The following FNDC1 variants were observed in gnomAD, a reference collection of about 807,000 sequenced individuals.
FNDC1 encodes fibronectin type III domain containing 1, also known as fibronectin type III domain-containing protein 1.
Under a neutral mutation model 168.0 loss-of-function variants are expected in FNDC1, and 96 were observed. That is an observed-to-expected ratio of 0.57 (90% CI 0.48 to 0.68). FNDC1 has a LOEUF of 0.68. Ranked by LOEUF, FNDC1 falls within the 30% of genes least tolerant of loss-of-function variation. FNDC1 has a pLI of 0.00. For synonymous variants in FNDC1, 1,099 were observed against 1,025.9 expected, an observed-to-expected ratio of 1.07 and a Z score of -1.36; for missense variants, 2,587 against 2,482.1, an observed-to-expected ratio of 1.04 and a Z score of -0.90.
At chr6:159,221,785 C>T in intron 6 of FNDC1, 89 bp downstream of exon 6, 1 of 1,051,228 alleles carries the variant, frequency 9.5e-7, no homozygotes, top group East Asian at 2.5e-5. Flanking sequence ...TGATGAATTA[C>T]ATGAATTTTA....
intron 1 of FNDC1, among the ~76,000 whole-genome samples, chr6:159,192,179 T>C (rs1194923322): frequency 6.6e-6 from 1 of 152,128 alleles, no homozygotes; most frequent in Non-Finnish European, 1.5e-5. Context: ...CGCTCAGCCA[T>C]GTCATGCTCT....
Position 159,233,439 on chromosome 6 carries a change from C to T in FNDC1, c.2927C>T (p.Ala976Val), listed in dbSNP as rs546188702. 23 of 1,610,208 alleles carry T rather than the reference C, an allele frequency of 1.4e-5. No homozygotes were observed. Among genetic ancestry groups the T allele is most frequent in the South Asian group, 7.7e-5 (7 of 90,656 alleles). Residue 976 changes from alanine to valine, a missense_variant, in exon 11 of 23, where the codon GCG becomes GTG. Physicochemically the swap from Ala to Val is moderately conservative, Grantham distance 64. Coordinates refer to ENST00000297267, the MANE Select transcript of FNDC1 (RefSeq NM_032532.3). This position sits in a 1 kb window ranked among gnomAD's most constrained non-coding sequence, Gnocchi z 4.6. ...CAGCCAGGGTCCACAGACCGCCACG[C>T]GTCCCCTGCTCGTCCGCCCGCAGCA... is the stretch of plus-strand genomic sequence containing the variant. ...KAQPGSTDRH[A>V]SPARPPAARS...
chr6:159,213,277 A>T (rs1182201105), intron 4 of FNDC1, among the ~76,000 whole-genome samples: 2 of 152,196 alleles, frequency 1.3e-5, no homozygotes, highest in African/African-American at 4.8e-5. Context: ...ATGGTGCAGG[A>T]CAGAGCCACC....
In FNDC1 at chr6:159,239,776, C is replaced by T. The variant is rs759365401; in HGVS notation, c.4440C>T (p.Arg1480=). Residue 1480 remains arginine (R), a synonymous_variant, in exon 14 of 23, where the codon CGC becomes CGT. Transcript: ENST00000297267. ...CCACCCGCCGCACGACCACCACCCGCCGCACGACCACCAGGCGTCCAACAA... is the reference window on the plus strand; with the variant it reads ...CCACCCGCCGCACGACCACCACCCGTCGCACGACCACCAGGCGTCCAACAA... ...TATTRRTTTT[R]RTTTRRPTTT... The T allele has an allele frequency of 1.4e-6, 2 of 1,433,734 alleles. No homozygotes were observed. Among genetic ancestry groups the T allele is most frequent in the South Asian group, 1.3e-5 (1 of 79,702 alleles). The allele number at this position is 1,433,734 out of a possible 1,614,324, so 88.8% of individuals were successfully genotyped here.
rs970040364 is a variant in FNDC1, at chr6:159,232,501, C to T, written c.1989C>T (p.Phe663=). The T allele has an allele frequency of 1.6e-5, 26 of 1,612,124 alleles. No homozygotes were observed. Among genetic ancestry groups the T allele is most frequent in the Non-Finnish European group, 2.0e-5 (23 of 1,179,258 alleles). Residue 663 remains phenylalanine (F), a synonymous_variant, in exon 11 of 23, where the codon TTC becomes TTT. Transcript: ENST00000297267. This position sits in a 1 kb window ranked among gnomAD's most constrained non-coding sequence, Gnocchi z 4.9. Reference sequence around the variant, plus strand: ...GCTCCCTCCACCCCAAGGGCGCCTTCGCCCAGCCCCGGCCAGCCCTGTCCC... The same window carrying T: ...GCTCCCTCCACCCCAAGGGCGCCTTTGCCCAGCCCCGGCCAGCCCTGTCCC... The part of the protein sequence containing the change: ...AVGSLHPKGA[F]AQPRPALSPS...
intron 17 of FNDC1, 50 bp from the exon 18 acceptor site, chr6:159,256,473 G>T: frequency 1.5e-6 from 2 of 1,359,934 alleles, no homozygotes; most frequent in Non-Finnish European, 1.0e-6. Flanking sequence ...CATCTTGTGT[G>T]TGACTTGGTT....
intron 19 of FNDC1, among the ~76,000 whole-genome samples, chr6:159,262,797 C>T (rs1049377200): frequency 4.6e-5 from 7 of 152,216 alleles, no homozygotes; most frequent in Admixed American, 4.6e-4. Context: ...TTCAAGGCCC[C>T]ACCCTACCCT....
At chr6:159,179,783 G>A (rs1781842578) in intron 1 of FNDC1, among the ~76,000 whole-genome samples, 1 of 152,180 alleles carries the variant, frequency 6.6e-6, no homozygotes, top group Admixed American at 6.5e-5. Context: ...AATAGCAGAG[G>A]CTCAGTGACT....
intron 4 of FNDC1, among the ~76,000 whole-genome samples, chr6:159,209,035 CA>C (rs1320188834): frequency 6.6e-6 from 1 of 151,932 alleles, no homozygotes; most frequent in Non-Finnish European, 1.5e-5. Flanking sequence ...TTATTAGAGA[CA>C]GGGTTTCTCC....
At chr6:159,236,829 G>A (rs1420830046) in intron 12 of FNDC1, among the ~76,000 whole-genome samples, 1 of 152,174 alleles carries the variant, frequency 6.6e-6, no homozygotes, top group African/African-American at 2.4e-5. Flanking sequence ...CTTCCAACAA[G>A]TGTTGGACTA....
chr6:159,245,742 A>ATTTTTTT (rs531544658), intron 14 of FNDC1, among the ~76,000 whole-genome samples: 3 of 19,776 alleles, frequency 1.5e-4, no homozygotes, highest in Admixed American at 5.8e-4. Context: ...CATTATGGTA[A>ATTTTTTT]TTTTTTTTTT....
intron 1 of FNDC1, among the ~76,000 whole-genome samples, chr6:159,182,837 T>C (rs188058334): frequency 2.7e-4 from 41 of 152,352 alleles, no homozygotes; most frequent in African/African-American, 9.1e-4. Context: ...TTACAATCAA[T>C]AGGCAGATGG....
rs1054624284 is a variant in FNDC1 at position 159,244,460 on chromosome 6, A to G, written c.4622-2441A>G. ...CAAGGGCCATCTCTTGGGCCTCAGAATAGGAGCTGGGGGCTTCTTACTGTG... is the reference window on the plus strand; with the variant it reads ...CAAGGGCCATCTCTTGGGCCTCAGAGTAGGAGCTGGGGGCTTCTTACTGTG... On this transcript the variant is annotated intron_variant, in intron 14 of 22. Transcript: ENST00000297267. Among the ~76,000 whole-genome samples, 3 of 152,356 alleles carry G rather than the reference A, an allele frequency of 2.0e-5. No homozygotes were observed. The South Asian group carries it at 6.2e-4, about 32-fold the overall frequency.
chr6:159,189,612 T>A (rs1782087484), intron 1 of FNDC1, among the ~76,000 whole-genome samples: 1 of 152,242 alleles, frequency 6.6e-6, no homozygotes, highest in Admixed American at 6.5e-5. Flanking sequence ...CAGTGAATGA[T>A]GGCAGAGGCC....
At chr6:159,261,798 G>C (rs1163290822) in intron 19 of FNDC1, among the ~76,000 whole-genome samples, 1 of 152,124 alleles carries the variant, frequency 6.6e-6, no homozygotes, top group Non-Finnish European at 1.5e-5. Context: ...AGAGCTCTCA[G>C]TCCCTTCAAG....
In FNDC1 at chr6:159,171,570, G is replaced by T. The variant is rs1419803049; in HGVS notation, c.109+1865G>T. 1.3e-5 allele frequency among the ~76,000 whole-genome samples: 2 copies of T among 152,176 alleles called. 1 individual carries two copies. The highest frequency in any genetic ancestry group is 3.9e-4 in the East Asian group (2 of 5,180). On this transcript the variant is annotated intron_variant, in intron 1 of 22. Transcript: ENST00000297267. ...GGAAATTACCCACGGCCACATAATA[G>T]TGGCTCCGAGGGACTTTGCTTAAAG... is the stretch of plus-strand genomic sequence containing the variant.
rs562686930 is a variant in FNDC1 at position 159,201,742 on chromosome 6, C to T, written c.460+1161C>T. ...GTGTTTATTTTCAGAGGTTGTTTAC[C>T]TCTGAACACACACATGTAAACAGAC... On this transcript the variant is annotated intron_variant, in intron 4 of 22. Coordinates refer to ENST00000297267, the MANE Select transcript of FNDC1 (RefSeq NM_032532.3). 3.3e-5 allele frequency among the ~76,000 whole-genome samples: 5 copies of T among 152,272 alleles called. No individual in the cohort carries two copies. In the South Asian group the frequency reaches 1.0e-3, roughly 32 times the overall value.
At chr6:159,266,281 G>A in intron 21 of FNDC1, 36 bp downstream of exon 21, 1 of 1,608,912 alleles carries the variant, frequency 6.2e-7, no homozygotes, top group Non-Finnish European at 8.5e-7. Context: ...TGGGAGGTAT[G>A]GAACATTTTG....
chr6:159,248,323 T>G (rs1777179883), intron 15 of FNDC1, among the ~76,000 whole-genome samples: 1 of 152,136 alleles, frequency 6.6e-6, no homozygotes, highest in Non-Finnish European at 1.5e-5. Context: ...TTTTTTTTTT[T>G]TGAGATGGAG....
Sources: allele counts gnomAD v4.1 joint callset (sites outside exome capture counted in the v4.1 genomes callset), GRCh38; gene constraint gnomAD v4.1.1; non-coding constraint Gnocchi (gnomAD v3.1); transcripts MANE v1.5; gene names NCBI Gene and HGNC (gene_info 2026-07-23, HGNC 2026-07-21).